GATAD2A: variants seen among roughly 807,000 people sequenced by gnomAD.
GATAD2A encodes transcriptional repressor p66-alpha.
GATAD2A carries 12 observed loss-of-function variants against 68.5 expected under a neutral mutation model. The observed-to-expected ratio is 0.18, with a 90% CI of 0.11 to 0.28. GATAD2A has a LOEUF of 0.28. Ranked by LOEUF, GATAD2A falls within the 10% of genes least tolerant of loss-of-function variation. The probability of loss-of-function intolerance (pLI) is 1.00; values close to 1 mark genes in which losing one functional copy is unlikely to be tolerated. For missense variants in GATAD2A, 755 were observed against 868.5 expected (o/e 0.87, Z 1.64); for synonymous variants, 410 against 375.3 (o/e 1.09, Z -1.07).
At position 19,505,734 on chromosome 19, in the gene GATAD2A, T is replaced by C; in HGVS notation, c.*260T>C. 1 of 466,156 alleles carries C rather than the reference T, an allele frequency of 2.1e-6. No individual in the cohort carries two copies. Among genetic ancestry groups the C allele is most frequent in the Non-Finnish European group, 3.7e-6 (1 of 266,986 alleles). 28.9% of individuals were successfully genotyped at this position (466,156 alleles called of 1,614,324 possible). ...CCGTGGGCTTTCTTCCTTTCTCTCTTTGCCTTTAGTTTGCCCGACACCAGC... is the reference window on the plus strand; with the variant it reads ...CCGTGGGCTTTCTTCCTTTCTCTCTCTGCCTTTAGTTTGCCCGACACCAGC... On this transcript the variant is annotated 3_prime_UTR_variant, in exon 12 of 12. Transcript: ENST00000683918.
chr19:19,417,116 G>A (rs1376139384), intron 1 of GATAD2A, among the ~76,000 whole-genome samples: 3 of 152,122 alleles, frequency 2.0e-5, no homozygotes, highest in Admixed American at 6.6e-5. Flanking sequence ...AAGCTGCTTC[G>A]GCAGATACCC....
chr19:19,493,987 C>T (rs2148412438), intron 4 of GATAD2A, among the ~76,000 whole-genome samples: 1 of 152,226 alleles, frequency 6.6e-6, no homozygotes, highest in Admixed American at 6.5e-5. Flanking sequence ...CACCATCAGC[C>T]ATTCTGTCCC....
intron 1 of GATAD2A, among the ~76,000 whole-genome samples, chr19:19,460,541 C>T (rs1313855052): frequency 1.3e-5 from 2 of 152,132 alleles, no homozygotes; most frequent in East Asian, 1.9e-4. Flanking sequence ...ACAGTGGCTG[C>T]CCCCAGGTTC....
chr19:19,411,100 G>A (rs1401666539), intron 1 of GATAD2A, among the ~76,000 whole-genome samples: 1 of 152,188 alleles, frequency 6.6e-6, no homozygotes, highest in Non-Finnish European at 1.5e-5. Context: ...CCACACTGGG[G>A]CGCATGCCTC....
Position 19,507,872 on chromosome 19 carries a change from C to A in GATAD2A, c.*2398C>A, listed in dbSNP as rs1325306268. Reference sequence around the variant, plus strand: ...TCAGTTCCTTGCAGCATAACCTCTACGATAAGCCCCAAGCGGGTTGTTGTA... The same window carrying A: ...TCAGTTCCTTGCAGCATAACCTCTAAGATAAGCCCCAAGCGGGTTGTTGTA... On this transcript the variant is annotated 3_prime_UTR_variant, in exon 12 of 12. Transcript: ENST00000683918. 6.6e-6 allele frequency: 1 copy of A among 152,182 alleles called. No homozygotes were observed. The highest frequency in any genetic ancestry group is 2.4e-5 in the African/African-American group (1 of 41,430). The allele number at this position is 152,182 out of a possible 1,614,324, so 9.4% of individuals were successfully genotyped here.
At chr19:19,483,781 A>ATTTTTTTT (rs540958459) in intron 2 of GATAD2A, among the ~76,000 whole-genome samples, 2 of 130,020 alleles carry the variant, frequency 1.5e-5, no homozygotes, top group Non-Finnish European at 1.6e-5. Context: ...TACCCGGCTA[A>ATTTTTTTT]TTTTTTTTTT....
intron 1 of GATAD2A, among the ~76,000 whole-genome samples, chr19:19,438,986 C>G (rs1366319958): frequency 1.3e-5 from 2 of 152,262 alleles, no homozygotes; most frequent in Admixed American, 6.5e-5. Context: ...TCTCACTCAG[C>G]ACTAGCCCAC....
intron 4 of GATAD2A, among the ~76,000 whole-genome samples, chr19:19,493,997 C>T (rs898649577): frequency 5.3e-5 from 8 of 152,118 alleles, no homozygotes; most frequent in Non-Finnish European, 1.2e-4. Context: ...CATTCTGTCC[C>T]CTAGAGGGCA....
At chr19:19,420,005 CTTT>C (rs397859927) in intron 1 of GATAD2A, among the ~76,000 whole-genome samples, 7 of 68,694 alleles carry the variant, frequency 1.0e-4, no homozygotes, top group African/African-American at 4.4e-4. Context: ...ACCATCTTGA[CTTT>C]TTTTTTTTTT....
intron 8 of GATAD2A, among the ~76,000 whole-genome samples, chr19:19,499,359 C>T (rs945380383): frequency 2.0e-5 from 3 of 152,130 alleles, no homozygotes; most frequent in Non-Finnish European, 4.4e-5. Flanking sequence ...GTTGGGGTGA[C>T]ACGAGTAGGC....
chr19:19,477,028 C>CCT (rs1187751867), intron 2 of GATAD2A, among the ~76,000 whole-genome samples: 1 of 152,144 alleles, frequency 6.6e-6, no homozygotes, highest in Non-Finnish European at 1.5e-5. Flanking sequence ...TAGTCTGCCC[C>CCT]CACTTTGTGA....
intron 2 of GATAD2A, among the ~76,000 whole-genome samples, chr19:19,479,325 AT>A (rs1237801342): frequency 1.3e-5 from 2 of 152,232 alleles, no homozygotes; most frequent in Non-Finnish European, 2.9e-5. Flanking sequence ...TGCAAACCTC[AT>A]CCCAGTCTCC....
chr19:19,413,315 T>C (rs1336903801), intron 1 of GATAD2A, among the ~76,000 whole-genome samples: 1 of 152,046 alleles, frequency 6.6e-6, no homozygotes, highest in Non-Finnish European at 1.5e-5. Context: ...AGTAGGAGAG[T>C]GGTGAACTGA....
At chr19:19,430,976 G>GGGGTGTGTGT (rs140794575) in intron 1 of GATAD2A, among the ~76,000 whole-genome samples, 14 of 136,778 alleles carry the variant, frequency 1.0e-4, no homozygotes, top group African/African-American at 3.9e-4. Flanking sequence ...GTATGGTAGG[G>GGGGTGTGTGT]GTGTGTGTGT....
intron 1 of GATAD2A, among the ~76,000 whole-genome samples, chr19:19,410,516 TC>T (rs2050792972): frequency 6.6e-6 from 1 of 152,218 alleles, no homozygotes; most frequent in African/African-American, 2.4e-5. Context: ...CTCCTGCAGT[TC>T]CGTCTCAGGA....
chr19:19,387,059 G>A (rs1163811300), intron 1 of GATAD2A, among the ~76,000 whole-genome samples: 1 of 152,116 alleles, frequency 6.6e-6, no homozygotes, highest in African/African-American at 2.4e-5. Context: ...GCCTCTCTGA[G>A]GGTCCCCCGC....
chr19:19,493,337 C>T (rs955827793), intron 4 of GATAD2A, among the ~76,000 whole-genome samples: 5 of 152,170 alleles, frequency 3.3e-5, no homozygotes, highest in African/African-American at 7.2e-5. Flanking sequence ...GCAGAAAGGC[C>T]GCCTGCACTG....
intron 1 of GATAD2A, among the ~76,000 whole-genome samples, chr19:19,413,620 C>T (rs947659317): frequency 5.9e-5 from 9 of 152,026 alleles, no homozygotes; most frequent in South Asian, 2.1e-4. Context: ...CTCACTCTGT[C>T]GCTCAGGCTG....
intron 1 of GATAD2A, among the ~76,000 whole-genome samples, chr19:19,430,262 G>T (rs933092482): frequency 6.6e-6 from 1 of 152,192 alleles, no homozygotes; most frequent in African/African-American, 2.4e-5. Context: ...GCCAGCCAGC[G>T]CATGGTAGAC....
Sources: gnomAD v4.1 joint callset for allele counts (sites outside exome capture counted in the v4.1 genomes callset) on GRCh38, gnomAD v4.1.1 for gene constraint, MANE v1.5 for transcripts, NCBI Gene and HGNC (gene_info 2026-07-23, HGNC 2026-07-21) for gene names.